The following INPP5A variants were observed in gnomAD, a reference collection of about 807,000 sequenced individuals.
The protein encoded by INPP5A is inositol polyphosphate-5-phosphatase A.
A neutral mutation model predicts 65.2 loss-of-function variants in INPP5A; 14 were observed. The observed-to-expected ratio is 0.21, with a 90% CI of 0.14 to 0.34. The LOEUF (loss-of-function observed/expected upper bound fraction) is 0.34. Ranked by LOEUF, INPP5A falls within the 10% of genes least tolerant of loss-of-function variation. The probability of loss-of-function intolerance (pLI) is 1.00; values close to 1 mark genes in which losing one functional copy is unlikely to be tolerated. For missense variants in INPP5A, 431 were observed against 545.6 expected (o/e 0.79, Z 2.09); for synonymous variants, 207 against 208.3 (o/e 0.99, Z 0.05).
intron 13 of INPP5A, 71 bp downstream of exon 13, chr10:132,777,853 G>C (rs917376942): frequency 1.3e-6 from 2 of 1,571,934 alleles, no homozygotes; most frequent in Non-Finnish European, 1.7e-6. Flanking sequence ...GCCCAGCCCT[G>C]GTGACAGGGC....
intron 7 of INPP5A, 129 bp downstream of exon 7, chr10:132,708,494 AC>A (rs772154721): frequency 1.2e-6 from 1 of 851,708 alleles, no homozygotes; most frequent in Admixed American, 1.8e-5. Flanking sequence ...CAGCTGCCTG[AC>A]CCCCACCTGC....
In INPP5A at chr10:132,537,894, C is replaced by A. The variant is rs1384338447; in HGVS notation, c.-203C>A. ...CGGCGGCGAGCGACGGGCGCGGGGCCGCGGAGCAGCGAGCGAGCGAGCGAG... is the reference window on the plus strand; with the variant it reads ...CGGCGGCGAGCGACGGGCGCGGGGCAGCGGAGCAGCGAGCGAGCGAGCGAG... On this transcript the variant is annotated 5_prime_UTR_variant, in exon 1 of 16. Transcript: ENST00000368594. The A allele has an allele frequency of 6.9e-6, 2 of 290,224 alleles. No homozygotes were observed. The highest frequency in any genetic ancestry group is 1.1e-4 in the East Asian group (2 of 18,812). The allele number at this position is 290,224 out of a possible 1,614,324, so 18.0% of individuals were successfully genotyped here.
intron 2 of INPP5A, among the ~76,000 whole-genome samples, chr10:132,632,547 G>A (rs1189408427): frequency 2.0e-5 from 3 of 152,182 alleles, no homozygotes; most frequent in Non-Finnish European, 4.4e-5. Context: ...GCCAGGAAGG[G>A]GTCCAGCAGG....
chr10:132,765,206 G>T (rs981300813), intron 11 of INPP5A, among the ~76,000 whole-genome samples: 1 of 152,210 alleles, frequency 6.6e-6, no homozygotes, highest in African/African-American at 2.4e-5. Context: ...GGTGTGGGAG[G>T]TGATGCCCGC....
chr10:132,668,853 A>C (rs2133430375), intron 4 of INPP5A, among the ~76,000 whole-genome samples: 1 of 152,230 alleles, frequency 6.6e-6, no homozygotes, highest in Middle Eastern at 3.4e-3. Context: ...CCATCGCACG[A>C]CCACCACTGC....
chr10:132,624,459 A>G (rs150188386), intron 2 of INPP5A, among the ~76,000 whole-genome samples: 21 of 149,948 alleles, frequency 1.4e-4, no homozygotes, highest in African/African-American at 2.2e-4. Context: ...ACTTCCCACC[A>G]GCGTGTCTGC....
intron 11 of INPP5A, among the ~76,000 whole-genome samples, chr10:132,765,167 G>T (rs985948342): frequency 6.7e-6 from 1 of 149,902 alleles, no homozygotes; most frequent in South Asian, 2.1e-4. Context: ...TGTGGTGACC[G>T]CTCAGAAACA....
chr10:132,702,024 T>A (rs994682459), intron 6 of INPP5A, among the ~76,000 whole-genome samples: 1 of 152,240 alleles, frequency 6.6e-6, no homozygotes, highest in Admixed American at 6.5e-5. Context: ...AACCCAAGGA[T>A]GCGACCGCAC....
At chr10:132,642,153 A>G (rs1381199744) in intron 2 of INPP5A, among the ~76,000 whole-genome samples, 3 of 151,596 alleles carry the variant, frequency 2.0e-5, no homozygotes, top group Non-Finnish European at 2.9e-5. Flanking sequence ...CGGTCTGGGG[A>G]CAGCCTGGAG....
At chr10:132,778,879 C>T (rs1847111945) in intron 13 of INPP5A, among the ~76,000 whole-genome samples, 2 of 152,262 alleles carry the variant, frequency 1.3e-5, no homozygotes, top group Admixed American at 6.5e-5. Flanking sequence ...GGTGTGCCCT[C>T]AGCAGGGCGG....
At chr10:132,643,249 A>G (rs1252580373) in intron 2 of INPP5A, among the ~76,000 whole-genome samples, 1 of 152,222 alleles carries the variant, frequency 6.6e-6, no homozygotes, top group Non-Finnish European at 1.5e-5. Context: ...ACCTAAACAC[A>G]TCCAAGTTAT....
intron 1 of INPP5A, among the ~76,000 whole-genome samples, chr10:132,572,805 C>T (rs971159169): frequency 1.3e-5 from 2 of 152,190 alleles, no homozygotes; most frequent in Non-Finnish European, 2.9e-5. Flanking sequence ...CTGTCTGCAG[C>T]GTGCCTTGGA....
At chr10:132,648,900 G>A (rs1260291305) in intron 3 of INPP5A, among the ~76,000 whole-genome samples, 1 of 152,148 alleles carries the variant, frequency 6.6e-6, no homozygotes, top group Non-Finnish European at 1.5e-5. Context: ...TGCAGTCTGT[G>A]GGTTTATCGT....
At chr10:132,769,267 T>G (rs1002072766) in intron 12 of INPP5A, among the ~76,000 whole-genome samples, 2 of 152,230 alleles carry the variant, frequency 1.3e-5, no homozygotes, top group Non-Finnish European at 2.9e-5. Flanking sequence ...ACCCTCAATT[T>G]TTGTCCTTAA....
chr10:132,704,550 CCTT>C lies in INPP5A; in HGVS notation c.475-3762_475-3760del, dbSNP rs1271275090. 5.9e-5 allele frequency among the ~76,000 whole-genome samples: 9 copies of C among 152,372 alleles called. No homozygotes were observed. Among genetic ancestry groups the C allele is most frequent in the African/African-American group, 1.9e-4 (8 of 41,584 alleles). ...GGCAACATGGGCTCTGTCCTCCCCT[CCTT>C]GTACCCGAGGCCCCACAGCTGGGAC... On this transcript the variant is annotated intron_variant, in intron 6 of 15. Coordinates refer to ENST00000368594, the MANE Select transcript of INPP5A (RefSeq NM_005539.5). The surrounding 1 kb of genome is among the most constrained non-coding windows in gnomAD (Gnocchi z 4.5).
At chr10:132,754,844 C>G (rs1282709702) in intron 11 of INPP5A, among the ~76,000 whole-genome samples, 1 of 152,214 alleles carries the variant, frequency 6.6e-6, no homozygotes, top group African/African-American at 2.4e-5. Context: ...TGGGGTTGTT[C>G]CTATTGGAGT....
intron 12 of INPP5A, among the ~76,000 whole-genome samples, chr10:132,768,874 T>C (rs1469097007): frequency 1.3e-5 from 2 of 152,212 alleles, no homozygotes; most frequent in Admixed American, 1.3e-4. Context: ...ACTGCCACAG[T>C]CCCCGCCCTG....
At chr10:132,567,036 G>T (rs1032592964) in intron 1 of INPP5A, among the ~76,000 whole-genome samples, 3 of 152,186 alleles carry the variant, frequency 2.0e-5, no homozygotes, top group Non-Finnish European at 4.4e-5. Flanking sequence ...GCTCCTGTAG[G>T]CTGCAGTAAC....
chr10:132,705,735 C>T lies in INPP5A; in HGVS notation c.475-2578C>T, dbSNP rs1054658930. Reference sequence around the variant, plus strand: ...CTGGAAGGAGGAAGCTTGGAGCCACCTGTGGACCCTGAGGGTGCGTCTGTG... The same window carrying T: ...CTGGAAGGAGGAAGCTTGGAGCCACTTGTGGACCCTGAGGGTGCGTCTGTG... On this transcript the variant is annotated intron_variant, in intron 6 of 15. Transcript: ENST00000368594. This position sits in a 1 kb window ranked among gnomAD's most constrained non-coding sequence, Gnocchi z 4.9. Among the ~76,000 whole-genome samples the T allele has an allele frequency of 4.6e-5, 7 of 152,336 alleles. No homozygotes were observed. The highest frequency in any genetic ancestry group is 1.4e-4 in the African/African-American group (6 of 41,574).
Sources: allele counts gnomAD v4.1 joint callset (sites outside exome capture counted in the v4.1 genomes callset), GRCh38; gene constraint gnomAD v4.1.1; non-coding constraint Gnocchi (gnomAD v3.1); transcripts MANE v1.5; gene names NCBI Gene and HGNC (gene_info 2026-07-23, HGNC 2026-07-21).